KAT8: variants seen among roughly 807,000 people sequenced by gnomAD.
The protein encoded by KAT8 is histone acetyltransferase KAT8.
A neutral mutation model predicts 62.9 loss-of-function variants in KAT8; 40 were observed. The observed-to-expected ratio is 0.64, with a 90% CI of 0.49 to 0.83. KAT8 has a LOEUF of 0.83. Ranked by LOEUF, KAT8 falls within the 40% of genes least tolerant of loss-of-function variation. The pLI is 0.00. For synonymous variants in KAT8, 278 were observed against 254.5 expected, an observed-to-expected ratio of 1.09 and a Z score of -0.88; for missense variants, 387 against 614.8, an observed-to-expected ratio of 0.63 and a Z score of 3.92.
At chr16:31,119,170 A>C (rs1339005979) in intron 1 of KAT8, among the ~76,000 whole-genome samples, 1 of 151,878 alleles carries the variant, frequency 6.6e-6, no homozygotes, top group African/African-American at 2.4e-5. Flanking sequence ...TGTTTGTTTG[A>C]GATGGAATCG....
chr16:31,129,629 C>T (rs1194779278), intron 6 of KAT8, among the ~76,000 whole-genome samples: 1 of 152,168 alleles, frequency 6.6e-6, no homozygotes, highest in Non-Finnish European at 1.5e-5. Context: ...CACCCAGCTT[C>T]ATACTTAGAC....
Position 31,131,222 on chromosome 16 carries a change from C to A in KAT8, c.1340C>A (p.Pro447His). ...TVDSVCLKWA[P>H]PKHKQVKLSK... ...GACTCCGTCTGCCTCAAGTGGGCAC[C>A]CCCCAAGCACAAGCAAGTCAAGCTC... is the stretch of plus-strand genomic sequence containing the variant. The change falls in exon 11 of 11, where the codon CCC becomes CAC. Residue 447 changes from proline (P) to histidine (H), a missense_variant. Pro to His is a moderately conservative substitution (Grantham distance 77). Coordinates refer to ENST00000219797, the MANE Select transcript of KAT8 (RefSeq NM_032188.3). The A allele has an allele frequency of 1.2e-6, 2 of 1,614,148 alleles. No homozygotes were observed. Among genetic ancestry groups the A allele is most frequent in the Non-Finnish European group, 1.7e-6 (2 of 1,179,986 alleles).
intron 3 of KAT8, among the ~76,000 whole-genome samples, chr16:31,121,604 G>A (rs1172881675): frequency 1.3e-5 from 2 of 152,122 alleles, no homozygotes; most frequent in African/African-American, 2.4e-5. Flanking sequence ...AGAGACGGGA[G>A]TCTTGGTGTG....
Position 31,130,103 on chromosome 16 carries a change from C to T in KAT8, c.858C>T (p.Tyr286=), listed in dbSNP as rs199983420. 8.1e-6 allele frequency: 13 copies of T among 1,612,864 alleles called. No homozygotes were observed. The highest frequency in any genetic ancestry group is 6.7e-5 in the Admixed American group (4 of 59,884). The change falls in exon 7 of 11, where the codon TAC becomes TAT. Residue 286 remains tyrosine, a synonymous_variant. Coordinates refer to ENST00000219797, the MANE Select transcript of KAT8 (RefSeq NM_032188.3). ...TTGACGTGGAGCCGTTCGTCTTTTA[C>T]ATCCTGACTGAGGTGGACCGGCAGG... ...LYFDVEPFVF[Y]ILTEVDRQGA...
In KAT8 at chr16:31,127,464, A is replaced by T. The variant is rs2057541017; in HGVS notation, c.681+111A>T. 1.4e-5 allele frequency: 16 copies of T among 1,117,446 alleles called. No individual in the cohort carries two copies. The South Asian group carries it at 2.2e-4, about 15-fold the overall frequency. 69.2% of individuals were successfully genotyped at this position (1,117,446 alleles called of 1,614,324 possible). ...CAGCTCCAGGGAGGAGACAGGCCCA[A>T]AGGAGCGAGTACAGGGAAGAGCTGC... On this transcript the variant is annotated intron_variant, in intron 5 of 10. Coordinates refer to ENST00000219797, the MANE Select transcript of KAT8 (RefSeq NM_032188.3).
At chr16:31,121,189 C>T (rs56388508) in intron 3 of KAT8, 34,782 of 150,524 alleles carry the variant, frequency 0.23, 5,086 homozygotes, top group Non-Finnish European at 0.34. Flanking sequence ...GGAATGATCT[C>T]GGCTCACTGT....
chr16:31,129,730 G>A (rs1403619179), intron 6 of KAT8, among the ~76,000 whole-genome samples: 2 of 152,224 alleles, frequency 1.3e-5, no homozygotes, highest in Non-Finnish European at 2.9e-5. Flanking sequence ...CAGAGTTAAT[G>A]TCTGTGAAGA....
Position 31,117,695 on chromosome 16 carries a change from G to T in KAT8, c.14G>T (p.Gly5Val). 7.1e-7 allele frequency: 1 copy of T among 1,400,952 alleles called. No homozygotes were observed. Among genetic ancestry groups the T allele is most frequent in the Non-Finnish European group, 9.3e-7 (1 of 1,072,914 alleles). The allele number at this position is 1,400,952 out of a possible 1,614,324, so 86.8% of individuals were successfully genotyped here. The change falls in exon 1 of 11, where the codon GGA becomes GTA. Residue 5 changes from glycine to valine, a missense_variant. Around this residue, in one of 6 missense-constraint regions of KAT8, gnomAD observed 92 missense variants for 78.8 expected, o/e 1.17. Transcript: ENST00000219797. MAAQ[G>V]AAAAVAAGTS... ...TCCCTTCCCGCGATGGCGGCACAGG[G>T]AGCTGCTGCGGCGGTTGCGGCGGGG...
chr16:31,128,668 C>G (rs1338230695), intron 6 of KAT8, among the ~76,000 whole-genome samples: 1 of 152,224 alleles, frequency 6.6e-6, no homozygotes, highest in Non-Finnish European at 1.5e-5. Context: ...TAGGTTCAAA[C>G]TTGGGTTGTT....
rs1214493192 is a variant in KAT8, at chr16:31,117,919, CGGGGCGGAGCTCAGGGCCAGGGGGT to C, written c.211+35_211+59del. ...TGAGGGCGGGGCCCAGGGCTGGGGGCGGGGCGGAGCTCAGGGCCAGGGGGTGGGGCGGGGCCTGAGGACAGGCTGT... is the reference window on the plus strand; with the variant it reads ...TGAGGGCGGGGCCCAGGGCTGGGGGCGGGGCGGGGCCTGAGGACAGGCTGT... On this transcript the variant is annotated intron_variant, in intron 1 of 10. Transcript: ENST00000219797. 8 of 351,620 alleles carry C rather than the reference CGGGGCGGAGCTCAGGGCCAGGGGGT, an allele frequency of 2.3e-5. No individual in the cohort carries two copies. The Admixed American group carries it at 4.5e-4, about 20-fold the overall frequency. The allele number at this position is 351,620 out of a possible 1,614,324, so 21.8% of individuals were successfully genotyped here.
intron 3 of KAT8, chr16:31,122,659 C>G (rs1280432692): frequency 1.3e-5 from 2 of 152,168 alleles, no homozygotes; most frequent in African/African-American, 4.8e-5. Context: ...GTGGGTGGAT[C>G]ACCAGGTCAG....
At chr16:31,119,179 C>T (rs1310213161) in intron 1 of KAT8, among the ~76,000 whole-genome samples, 3 of 152,078 alleles carry the variant, frequency 2.0e-5, no homozygotes, top group Non-Finnish European at 4.4e-5. Context: ...GAGATGGAAT[C>T]GCTCTCTGTT....
chr16:31,129,748 A>G (rs1189731825), intron 6 of KAT8, among the ~76,000 whole-genome samples: 2 of 152,240 alleles, frequency 1.3e-5, no homozygotes, highest in Admixed American at 6.5e-5. Context: ...AGACTGAAGC[A>G]GATCCTGCAT....
At chr16:31,123,012 A>G (rs1360154819) in intron 3 of KAT8, among the ~76,000 whole-genome samples, 1 of 151,058 alleles carries the variant, frequency 6.6e-6, no homozygotes, top group Admixed American at 6.6e-5. Flanking sequence ...CCAAAACCCC[A>G]TCTCTACTAA....
chr16:31,130,777 A>T lies in KAT8; in HGVS notation c.1189A>T (p.Ile397Phe). ...GACCAGTATCACCCAAAATGACATC[A>T]TCAGTACCCTGCAATCCCTCAATAT... ...QMTSITQNDI[I>F]STLQSLNMVK... is the part of the protein sequence containing the mutation. The change falls in exon 10 of 11, where the codon ATC (isoleucine) becomes TTC (phenylalanine). Residue 397 changes from isoleucine (I) to phenylalanine (F), a missense_variant. By Grantham distance (21) the Ile-to-Phe change is conservative (BLOSUM62 0). Transcript: ENST00000219797. 6.2e-7 allele frequency: 1 copy of T among 1,614,144 alleles called. No homozygotes were observed. The highest frequency in any genetic ancestry group is 1.7e-5 in the Admixed American group (1 of 60,018).
intron 3 of KAT8, among the ~76,000 whole-genome samples, chr16:31,122,078 T>G (rs1008537111): frequency 6.6e-6 from 1 of 152,204 alleles, no homozygotes; most frequent in Admixed American, 6.5e-5. Flanking sequence ...TTTATAAAAA[T>G]CAGGAGTGCA....
At chr16:31,121,387 C>T (rs1024807840) in intron 3 of KAT8, among the ~76,000 whole-genome samples, 3 of 152,090 alleles carry the variant, frequency 2.0e-5, no homozygotes, top group African/African-American at 7.2e-5. Flanking sequence ...TCCCAAAGTG[C>T]TGGGATTACA....
chr16:31,130,780 A>T lies in KAT8; in HGVS notation c.1192A>T (p.Ser398Cys). The change falls in exon 10 of 11, where the codon AGT (serine) becomes TGT (cysteine). Residue 398 changes from serine (S) to cysteine (C), a missense_variant. Ser to Cys is a moderately radical substitution (Grantham distance 112). This residue lies in a region of KAT8 where 75 missense variants were observed against 105.7 expected (regional missense o/e 0.71). Coordinates refer to ENST00000219797, the MANE Select transcript of KAT8 (RefSeq NM_032188.3). ...MTSITQNDII[S>C]TLQSLNMVKY... ...CAGTATCACCCAAAATGACATCATC[A>T]GTACCCTGCAATCCCTCAATATGGT... 1 of 1,614,188 alleles carries T rather than the reference A, an allele frequency of 6.2e-7. No homozygotes were observed. Among genetic ancestry groups the T allele is most frequent in the Non-Finnish European group, 8.5e-7 (1 of 1,180,024 alleles).
At chr16:31,128,210 A>G (rs1256928244) in intron 6 of KAT8, 71 bp downstream of exon 6, 2 of 1,205,502 alleles carry the variant, frequency 1.7e-6, no homozygotes, top group African/African-American at 3.0e-5. Flanking sequence ...CCTCATCACC[A>G]CCAAAGGGGA....
Sources: allele counts gnomAD v4.1 joint callset (sites outside exome capture counted in the v4.1 genomes callset), GRCh38; gene constraint gnomAD v4.1.1; regional missense constraint gnomAD v4.1.1; transcripts MANE v1.5; gene names NCBI Gene and HGNC (gene_info 2026-07-23, HGNC 2026-07-21).